Variants in KIAA1328 observed in about 807,000 individuals in gnomAD.
KIAA1328 encodes protein hinderin.
A neutral mutation model predicts 68.1 loss-of-function variants in KIAA1328; 52 were observed. That is an observed-to-expected ratio of 0.76 (90% CI 0.61 to 0.96). The LOEUF (loss-of-function observed/expected upper bound fraction) is 0.96, where lower values mean the gene tolerates loss of function less well. Ranked by LOEUF, KIAA1328 falls within the 40% of genes least tolerant of loss-of-function variation. KIAA1328 has a pLI of 0.00. For missense variants in KIAA1328, 641 were observed against 677.6 expected (o/e 0.95, Z 0.60); for synonymous variants, 232 against 239.4 (o/e 0.97, Z 0.28).
chr18:37,053,357 A>G (rs2055779460), intron 6 of KIAA1328, among the ~76,000 whole-genome samples: 1 of 152,224 alleles, frequency 6.6e-6, no homozygotes, highest in Non-Finnish European at 1.5e-5. Context: ...AAAGACTTAC[A>G]TGTGATACTT....
chr18:36,985,044 T>C (rs1283502481), intron 6 of KIAA1328, among the ~76,000 whole-genome samples: 1 of 151,968 alleles, frequency 6.6e-6, no homozygotes, highest in Non-Finnish European at 1.5e-5. Flanking sequence ...GGCTCACACC[T>C]AAAATTCAAG....
chr18:37,044,899 C>T (rs776638698), intron 6 of KIAA1328, among the ~76,000 whole-genome samples: 19 of 151,556 alleles, frequency 1.3e-4, no homozygotes, highest in East Asian at 5.8e-4. Context: ...AAAATAAATA[C>T]GATAAATATA....
chr18:37,040,358 T>A (rs2055196839), intron 6 of KIAA1328, among the ~76,000 whole-genome samples: 1 of 152,234 alleles, frequency 6.6e-6, no homozygotes, highest in Non-Finnish European at 1.5e-5. Flanking sequence ...TTGTCTGATC[T>A]GTTGCCATGT....
At chr18:36,953,775 A>G (rs571350341) in intron 5 of KIAA1328, among the ~76,000 whole-genome samples, 4 of 152,194 alleles carry the variant, frequency 2.6e-5, no homozygotes, top group African/African-American at 7.2e-5. Context: ...TTGAGTCCAT[A>G]TTCTAATTTT....
intron 9 of KIAA1328, among the ~76,000 whole-genome samples, chr18:37,203,286 A>G (rs1447550058): frequency 2.0e-5 from 3 of 151,980 alleles, no homozygotes; most frequent in Non-Finnish European, 2.9e-5. Context: ...AGTTTTTTCC[A>G]TTTCATAAAC....
chr18:37,046,726 G>A (rs551325411), intron 6 of KIAA1328, among the ~76,000 whole-genome samples: 1 of 152,280 alleles, frequency 6.6e-6, no homozygotes, highest in East Asian at 1.9e-4. Context: ...ATCCGCAATA[G>A]ATTGTGCCTA....
intron 6 of KIAA1328, among the ~76,000 whole-genome samples, chr18:36,975,762 A>C (rs2052447158): frequency 6.6e-6 from 1 of 151,982 alleles, no homozygotes; most frequent in Non-Finnish European, 1.5e-5. Context: ...TCTTCCCTTA[A>C]TTGTTAAAGC....
At chr18:37,063,930 T>G (rs558143355) in intron 6 of KIAA1328, among the ~76,000 whole-genome samples, 1 of 152,120 alleles carries the variant, frequency 6.6e-6, no homozygotes, top group East Asian at 1.9e-4. Context: ...ACCTGTCATT[T>G]GAAATATATA....
intron 5 of KIAA1328, among the ~76,000 whole-genome samples, chr18:36,908,227 T>A (rs1045982131): frequency 7.9e-5 from 12 of 152,344 alleles, no homozygotes; most frequent in African/African-American, 2.4e-4. Flanking sequence ...TTGTCATTTC[T>A]TAAGCTTTGT....
chr18:36,884,174 C>G (rs2048418816), intron 4 of KIAA1328, among the ~76,000 whole-genome samples: 1 of 151,746 alleles, frequency 6.6e-6, no homozygotes, highest in Admixed American at 6.6e-5. Flanking sequence ...AAAGGGAAGG[C>G]ATTGTAAAGA....
At chr18:36,830,729 C>T (rs374914317) in intron 1 of KIAA1328, among the ~76,000 whole-genome samples, 5 of 152,170 alleles carry the variant, frequency 3.3e-5, no homozygotes, top group Non-Finnish European at 4.4e-5. Flanking sequence ...CATATATACT[C>T]CGTTATCTCT....
intron 6 of KIAA1328, among the ~76,000 whole-genome samples, chr18:37,011,559 A>G (rs2053980776): frequency 1.3e-5 from 2 of 152,206 alleles, no homozygotes; most frequent in Non-Finnish European, 2.9e-5. Context: ...GTACCTGCAC[A>G]TGAAAGCTGG....
intron 6 of KIAA1328, among the ~76,000 whole-genome samples, chr18:37,032,413 T>G (rs1236377936): frequency 6.6e-6 from 1 of 152,132 alleles, no homozygotes; most frequent in Admixed American, 6.6e-5. Flanking sequence ...GCAGTTTACA[T>G]TCATTTTTAT....
chr18:36,895,663 A>G (rs1377765249), intron 5 of KIAA1328: 9 of 440,042 alleles, frequency 2.0e-5, no homozygotes, highest in Non-Finnish European at 3.6e-5. Context: ...TTATGTATTT[A>G]TTTGTTACTT....
downstream of KIAA1328, among the ~76,000 whole-genome samples, chr18:37,226,319 C>T (rs1257984074): frequency 6.6e-6 from 1 of 151,482 alleles, no homozygotes; most frequent in East Asian, 1.9e-4. Context: ...AGATATTACT[C>T]AAATACTGTA....
intron 6 of KIAA1328, among the ~76,000 whole-genome samples, chr18:36,971,076 C>G (rs2052185005): frequency 6.6e-6 from 1 of 152,202 alleles, no homozygotes; most frequent in African/African-American, 2.4e-5. Flanking sequence ...GTAACCAAAA[C>G]AGCATGGTAC....
At chr18:37,078,721 A>G (rs1238384694) in intron 7 of KIAA1328, among the ~76,000 whole-genome samples, 10 of 151,148 alleles carry the variant, frequency 6.6e-5, no homozygotes, top group African/African-American at 9.8e-5. Flanking sequence ...CAAAAAACAC[A>G]TGAAAAAATG....
chr18:36,829,164 GC>G lies in KIAA1328; in HGVS notation c.30del (p.Ser11ValfsTer17), dbSNP rs1376890425. 6 of 1,525,212 alleles carry G rather than the reference GC, an allele frequency of 3.9e-6. No individual in the cohort carries two copies. Among genetic ancestry groups the G allele is most frequent in the African/African-American group, 1.4e-5 (1 of 70,916 alleles). 94.5% of individuals were successfully genotyped at this position (1,525,212 alleles called of 1,614,324 possible). ...ATGGCGGACGTGGCGGGCCCCTCCC[GC>G]CCCAGTGCCGCGGCGTTCTGGAGCC... MADVAGPSRPSAAAFWSRD... is the reference protein window; with the variant it reads MADVAGPSXPSAAAFWSRD... On this transcript the variant is annotated frameshift_variant, in exon 1 of 10. Coordinates refer to ENST00000280020, the MANE Select transcript of KIAA1328 (RefSeq NM_020776.3). LOFTEE classifies it high-confidence loss of function.
At chr18:36,959,506 T>A (rs1215724886) in intron 6 of KIAA1328, 71 bp downstream of exon 6, 10 of 1,467,578 alleles carry the variant, frequency 6.8e-6, no homozygotes, top group Non-Finnish European at 8.3e-6. Context: ...CATTTGTTTT[T>A]TATCTTAATT....
Sources: allele counts gnomAD v4.1 joint callset (sites outside exome capture counted in the v4.1 genomes callset), GRCh38; gene constraint gnomAD v4.1.1; transcripts MANE v1.5; gene names NCBI Gene and HGNC (gene_info 2026-07-23, HGNC 2026-07-21).